Variants in SUMF1 observed in about 807,000 individuals in gnomAD.
SUMF1 encodes formylglycine-generating enzyme.
A neutral mutation model predicts 47.6 loss-of-function variants in SUMF1; 48 were observed. The observed-to-expected ratio is 1.01, with a 90% CI of 0.80 to 1.28. The LOEUF is 1.28. SUMF1 is among the 50% of genes most tolerant of loss of function. SUMF1 has a pLI of 0.00. For missense variants in SUMF1, 571 were observed against 485.4 expected, an observed-to-expected ratio of 1.18 and a Z score of -1.66; for synonymous variants, 230 against 192.1, an observed-to-expected ratio of 1.20 and a Z score of -1.63.
Position 4,299,893 on chromosome 3 carries a change from C to T in SUMF1, c.1014+76437G>A, listed in dbSNP as rs1270186375. Among the ~76,000 whole-genome samples, 189 of 152,174 alleles carry T rather than the reference C, an allele frequency of 1.2e-3. 2 individuals are homozygous for T. The highest frequency in any genetic ancestry group is 0.012 in the Admixed American group (188 of 15,286). Reference sequence around the variant, plus strand: ...ATTATTTCCCATGGTCAGAAATTTGCAGAGTAGGAATATAAATTTAGTCAT... The same window carrying T: ...ATTATTTCCCATGGTCAGAAATTTGTAGAGTAGGAATATAAATTTAGTCAT... On this transcript the variant is annotated intron_variant and NMD_transcript_variant, in intron 8 of 12. Transcript: ENST00000448413.
intron 8 of SUMF1, among the ~76,000 whole-genome samples, chr3:4,084,489 A>G (rs1489918512): frequency 6.6e-6 from 1 of 152,136 alleles, no homozygotes; most frequent in Non-Finnish European, 1.5e-5. Flanking sequence ...ATTACATACA[A>G]CAAAACTTTC....
intron 4 of SUMF1, among the ~76,000 whole-genome samples, chr3:4,418,589 A>G (rs1373415702): frequency 1.3e-5 from 2 of 152,160 alleles, no homozygotes; most frequent in Non-Finnish European, 2.9e-5. Context: ...TACACCCTAG[A>G]GGCCCCTGTG....
chr3:4,281,448 C>A (rs575071770), intron 8 of SUMF1, among the ~76,000 whole-genome samples: 177 of 152,276 alleles, frequency 1.2e-3, no homozygotes, highest in Non-Finnish European at 2.2e-3. Flanking sequence ...GTCCTCATAA[C>A]AATCCTATGC....
chr3:4,182,732 G>C (rs1162957725), intron 8 of SUMF1, among the ~76,000 whole-genome samples: 2 of 152,130 alleles, frequency 1.3e-5, no homozygotes, highest in Non-Finnish European at 2.9e-5. Context: ...TTCAGGTATA[G>C]TTTTGGAACA....
At chr3:4,178,089 C>T (rs1695007378) in intron 8 of SUMF1, among the ~76,000 whole-genome samples, 1 of 152,128 alleles carries the variant, frequency 6.6e-6, no homozygotes, top group South Asian at 2.1e-4. Context: ...CAGACAGATT[C>T]ACAGTGTAAT....
At chr3:4,251,498 C>T (rs1696800990) in intron 8 of SUMF1, among the ~76,000 whole-genome samples, 1 of 152,194 alleles carries the variant, frequency 6.6e-6, no homozygotes, top group Non-Finnish European at 1.5e-5. Flanking sequence ...GAAAGAAGTT[C>T]TGTGTGTAAA....
In SUMF1 at chr3:4,234,106, G is replaced by C. The variant is rs540592643; in HGVS notation, c.1014+142224C>G. 5.3e-5 allele frequency among the ~76,000 whole-genome samples: 8 copies of C among 152,120 alleles called. No homozygotes were observed. The South Asian group carries it at 1.5e-3, about 28-fold the overall frequency. On this transcript the variant is annotated intron_variant and NMD_transcript_variant, in intron 8 of 12. Coordinates refer to the SUMF1 transcript ENST00000448413. ...GATGCACAATGCTAACAATTGTACG[G>C]GTGTTTAATTTACCCATAGTTACAG...
At chr3:4,400,219 C>A (rs188854425) in intron 7 of SUMF1, among the ~76,000 whole-genome samples, 24 of 152,288 alleles carry the variant, frequency 1.6e-4, no homozygotes, top group Admixed American at 3.9e-4. Flanking sequence ...ACTAAGGGAG[C>A]CAAGAAAGAC....
intron 8 of SUMF1, among the ~76,000 whole-genome samples, chr3:4,119,202 A>G (rs931381864): frequency 6.6e-6 from 1 of 152,032 alleles, no homozygotes; most frequent in African/African-American, 2.4e-5. Context: ...CTCCGCCTAC[A>G]TTGTCACTAC....
At chr3:4,376,425 A>C (rs1384634994) in intron 7 of SUMF1, 36 bp from the exon 8 acceptor site, 1 of 1,608,508 alleles carries the variant, frequency 6.2e-7, no homozygotes, top group Non-Finnish European at 8.5e-7. Flanking sequence ...TTAGACCAGA[A>C]GGCAAAGCTG....
chr3:4,455,432 T>C (rs1039693819), intron 1 of SUMF1, among the ~76,000 whole-genome samples: 1 of 152,200 alleles, frequency 6.6e-6, no homozygotes, highest in Admixed American at 6.5e-5. Flanking sequence ...ATTTTAAAAA[T>C]TGGCCAGGTG....
chr3:4,443,941 A>G (rs905775509), intron 3 of SUMF1, among the ~76,000 whole-genome samples: 2 of 152,188 alleles, frequency 1.3e-5, no homozygotes, highest in African/African-American at 4.8e-5. Context: ...AGTTTAAAAA[A>G]AAATTGTGAA....
intron 8 of SUMF1, among the ~76,000 whole-genome samples, chr3:4,164,054 A>T (rs1326248331): frequency 2.0e-5 from 3 of 152,174 alleles, no homozygotes; most frequent in Non-Finnish European, 2.9e-5. Flanking sequence ...ACAAATGGGT[A>T]ACTTGTTCCC....
chr3:4,327,655 C>A (rs1286455571), intron 8 of SUMF1, among the ~76,000 whole-genome samples: 3 of 151,722 alleles, frequency 2.0e-5, no homozygotes, highest in Admixed American at 1.3e-4. Flanking sequence ...TAAAATATAA[C>A]CCAAAGAAAG....
chr3:4,176,398 A>AG, intron 8 of SUMF1, among the ~76,000 whole-genome samples: 1 of 152,198 alleles, frequency 6.6e-6, no homozygotes, highest in Non-Finnish European at 1.5e-5. Context: ...GTTCTTAAAG[A>AG]AAAGAATTTC....
chr3:4,183,661 T>G (rs967129634), intron 8 of SUMF1, among the ~76,000 whole-genome samples: 3 of 152,114 alleles, frequency 2.0e-5, no homozygotes, highest in African/African-American at 7.2e-5. Context: ...AAGACAAAAA[T>G]GATTCATGGA....
At chr3:4,419,495 G>A (rs767806857) in intron 4 of SUMF1, among the ~76,000 whole-genome samples, 8 of 152,104 alleles carry the variant, frequency 5.3e-5, no homozygotes, top group Admixed American at 2.6e-4. Flanking sequence ...CAATCTCCAG[G>A]GTTTAAAGTG....
intron 3 of SUMF1, among the ~76,000 whole-genome samples, chr3:4,422,360 C>G (rs886514052): frequency 5.9e-5 from 9 of 152,020 alleles, no homozygotes; most frequent in African/African-American, 2.2e-4. Flanking sequence ...CCAGAAGGTT[C>G]TAGTTCTTAA....
chr3:4,169,888 C>A (rs1210207529), intron 8 of SUMF1, among the ~76,000 whole-genome samples: 1 of 152,176 alleles, frequency 6.6e-6, no homozygotes, highest in Non-Finnish European at 1.5e-5. Context: ...AAAAGAACTA[C>A]TCAGCAAGAG....
Sources: allele counts gnomAD v4.1 joint callset (sites outside exome capture counted in the v4.1 genomes callset), GRCh38; gene constraint gnomAD v4.1.1; transcripts MANE v1.5; gene names NCBI Gene and HGNC (gene_info 2026-07-23, HGNC 2026-07-21).